Variants in POU6F2 observed in about 807,000 individuals in gnomAD.
The protein encoded by POU6F2 is POU class 6 homeobox 2, also known as POU domain, class 6, transcription factor 2.
Under a neutral mutation model 71.3 loss-of-function variants are expected in POU6F2, and 31 were observed. The ratio of observed to expected loss-of-function variants is 0.43; its 90% CI spans 0.33 to 0.59. The LOEUF (loss-of-function observed/expected upper bound fraction) is 0.59, where lower values mean the gene tolerates loss of function less well. Among genes scored for constraint, POU6F2 ranks in the 20% least tolerant of loss-of-function variants. POU6F2 has a pLI of 0.04. For missense variants in POU6F2, 783 were observed against 856.8 expected (o/e 0.91, Z 1.07); for synonymous variants, 347 against 355.7 (o/e 0.98, Z 0.27).
intron 1 of POU6F2, among the ~76,000 whole-genome samples, chr7:39,070,375 C>T (rs1242855327): frequency 6.8e-6 from 1 of 147,932 alleles, no homozygotes; most frequent in African/African-American, 2.7e-5. Flanking sequence ...AGGCATCTCC[C>T]TCCACACTTC....
At chr7:39,249,383 C>T (rs1020255251) in intron 4 of POU6F2, among the ~76,000 whole-genome samples, 1 of 152,190 alleles carries the variant, frequency 6.6e-6, no homozygotes, top group Non-Finnish European at 1.5e-5. Flanking sequence ...TGTGCCCTTC[C>T]AGGGAACCAC....
rs138444892 is a variant in POU6F2, at chr7:39,045,712, C to T, written c.106-40148C>T. 3.1e-3 allele frequency among the ~76,000 whole-genome samples: 466 copies of T among 152,064 alleles called. 2 individuals carry two copies. The highest frequency in any genetic ancestry group is 0.015 in the South Asian group (71 of 4,822). On this transcript the variant is annotated intron_variant, in intron 1 of 9. Coordinates refer to ENST00000518318, the MANE Select transcript of POU6F2 (RefSeq NM_001370959.1). ...CAAAATGTTTCCTTATTCCCCTCTA[C>T]AGCCAGTCTCCACTCCTACCCCTAC...
chr7:39,068,383 T>C (rs1219654189), intron 1 of POU6F2, among the ~76,000 whole-genome samples: 1 of 152,040 alleles, frequency 6.6e-6, no homozygotes, highest in Non-Finnish European at 1.5e-5. Context: ...TAAATATTTA[T>C]TGAATGAAAA....
At chr7:38,990,420 T>C (rs1788574547) in intron 1 of POU6F2, among the ~76,000 whole-genome samples, 1 of 152,168 alleles carries the variant, frequency 6.6e-6, no homozygotes, top group Non-Finnish European at 1.5e-5. Flanking sequence ...TTTGAAATGT[T>C]CACAAAATGT....
At chr7:39,183,358 G>A (rs956067891) in intron 2 of POU6F2, among the ~76,000 whole-genome samples, 31 of 152,320 alleles carry the variant, frequency 2.0e-4, no homozygotes, top group Middle Eastern at 3.4e-3. Flanking sequence ...TACAAAGGAA[G>A]CATGGCTGCG....
chr7:39,243,826 A>G (rs1783768706), intron 4 of POU6F2, among the ~76,000 whole-genome samples: 1 of 152,060 alleles, frequency 6.6e-6, no homozygotes, highest in Admixed American at 6.6e-5. Context: ...CAGTTGGAAA[A>G]CTCAGAATTT....
intron 1 of POU6F2, among the ~76,000 whole-genome samples, chr7:39,009,880 A>G (rs1206650746): frequency 1.3e-5 from 2 of 150,932 alleles, no homozygotes; most frequent in Non-Finnish European, 3.0e-5. Context: ...AGCCCACTTG[A>G]TCATGGTGGA....
In POU6F2 at chr7:39,344,705, G is replaced by T. The variant is rs182895925; in HGVS notation, c.972+4690G>T. Among the ~76,000 whole-genome samples, 12 of 152,174 alleles carry T rather than the reference G, an allele frequency of 7.9e-5. 1 individual carries two copies. In the East Asian group the frequency reaches 2.3e-3, roughly 29 times the overall value. On this transcript the variant is annotated intron_variant, in intron 5 of 9. Transcript: ENST00000518318. ...TTACCACAATATTACTCAAGGCTCT[G>T]TGGGACTAGGTTTGTTTTTTCATCT...
chr7:39,323,501 T>G (rs1175839968), intron 4 of POU6F2, among the ~76,000 whole-genome samples: 2 of 152,226 alleles, frequency 1.3e-5, no homozygotes, highest in Non-Finnish European at 1.5e-5. Context: ...TGGATGGCCA[T>G]GCACCATCAG....
intron 4 of POU6F2, among the ~76,000 whole-genome samples, chr7:39,283,725 A>C (rs959628832): frequency 6.6e-6 from 1 of 152,150 alleles, no homozygotes; most frequent in Non-Finnish European, 1.5e-5. Context: ...ATGACTTTTT[A>C]AGCTTACTTT....
At chr7:39,295,303 T>C (rs929333325) in intron 4 of POU6F2, among the ~76,000 whole-genome samples, 1 of 152,152 alleles carries the variant, frequency 6.6e-6, no homozygotes, top group Non-Finnish European at 1.5e-5. Context: ...GGGAGAATTG[T>C]GACGTGACAA....
At chr7:39,359,628 C>T (rs944126681) in intron 5 of POU6F2, among the ~76,000 whole-genome samples, 6 of 152,170 alleles carry the variant, frequency 3.9e-5, no homozygotes, top group Admixed American at 1.3e-4. Flanking sequence ...AATGAAGTCT[C>T]GTTTTATTTT....
intron 6 of POU6F2, among the ~76,000 whole-genome samples, chr7:39,414,028 G>C (rs1461404406): frequency 6.6e-6 from 1 of 152,036 alleles, no homozygotes; most frequent in Non-Finnish European, 1.5e-5. Flanking sequence ...CCCGCGGGCG[G>C]AGCCAGGCGG....
At chr7:39,201,058 A>G (rs10246046) in intron 2 of POU6F2, among the ~76,000 whole-genome samples, 44,145 of 151,954 alleles carry the variant, frequency 0.29, 6,854 homozygotes, top group East Asian at 0.7. Flanking sequence ...AAATATTTTC[A>G]TTAAATAATA....
rs139755544 is a variant in POU6F2 at position 39,436,263 on chromosome 7, C to T, written c.1320+2980C>T. 3.5e-3 allele frequency among the ~76,000 whole-genome samples: 539 copies of T among 152,050 alleles called. 3 individuals are homozygous for T. Among genetic ancestry groups the T allele is most frequent in the African/African-American group, 0.012 (513 of 41,514 alleles). On this transcript the variant is annotated intron_variant, in intron 7 of 9. Coordinates refer to ENST00000518318, the MANE Select transcript of POU6F2 (RefSeq NM_001370959.1). ...ATTCTTCCTATCCAAAAGGATGGAA[C>T]GTTTTTCCATTTGTTTGTGTCCTCT...
chr7:39,446,975 A>C (rs948604919), intron 7 of POU6F2, among the ~76,000 whole-genome samples: 2 of 152,228 alleles, frequency 1.3e-5, no homozygotes, highest in African/African-American at 4.8e-5. Flanking sequence ...ATACGATCAT[A>C]TAAAGAGGAT....
chr7:39,065,564 C>T (rs1292829429), intron 1 of POU6F2, among the ~76,000 whole-genome samples: 1 of 151,088 alleles, frequency 6.6e-6, no homozygotes, highest in Non-Finnish European at 1.5e-5. Flanking sequence ...TAAATATTTG[C>T]TAAATCTAAA....
rs933203396 is a variant in POU6F2 at position 39,464,763 on chromosome 7, C to T, written c.*77C>T. 2.1e-6 allele frequency: 3 copies of T among 1,421,844 alleles called. No homozygotes were observed. Among genetic ancestry groups the T allele is most frequent in the Non-Finnish European group, 2.8e-6 (3 of 1,073,660 alleles). The allele number at this position is 1,421,844 out of a possible 1,614,324, so 88.1% of individuals were successfully genotyped here. On this transcript the variant is annotated 3_prime_UTR_variant, in exon 10 of 10. Coordinates refer to ENST00000518318, the MANE Select transcript of POU6F2 (RefSeq NM_001370959.1). This position sits in a 1 kb window ranked among gnomAD's most constrained non-coding sequence, Gnocchi z 4.1. ...CCTTGGGACTCCACAACAACAACAA[C>T]AACAAAATTTAATTTAATTTAAAAA...
chr7:39,199,569 G>A (rs551605781), intron 2 of POU6F2, among the ~76,000 whole-genome samples: 1 of 152,258 alleles, frequency 6.6e-6, no homozygotes, highest in East Asian at 1.9e-4. Flanking sequence ...CGGTTCTTCA[G>A]GGACTCAGCT....
Sources: gnomAD v4.1 joint callset for allele counts (sites outside exome capture counted in the v4.1 genomes callset) on GRCh38, gnomAD v4.1.1 for gene constraint, Gnocchi (gnomAD v3.1) non-coding constraint, MANE v1.5 for transcripts, NCBI Gene and HGNC (gene_info 2026-07-23, HGNC 2026-07-21) for gene names.